Variants in CCDC152 observed in about 807,000 individuals in gnomAD.
CCDC152 encodes the protein coiled-coil domain-containing protein 152.
CCDC152 carries 37 observed loss-of-function variants against 38.1 expected under a neutral mutation model. That is an observed-to-expected ratio of 0.97 (90% confidence interval 0.75 to 1.28). CCDC152 has a LOEUF of 1.28. CCDC152 is among the 50% of genes most tolerant of loss of function. The pLI, the probability that CCDC152 is intolerant of heterozygous loss-of-function variation, is 0.00. For synonymous variants in CCDC152, 83 were observed against 87.1 expected, an observed-to-expected ratio of 0.95 and a Z score of 0.26; for missense variants, 259 against 292.1, an observed-to-expected ratio of 0.89 and a Z score of 0.83.
At chr5:42,785,761 G>T (rs1759912918) in intron 6 of CCDC152, among the ~76,000 whole-genome samples, 1 of 152,092 alleles carries the variant, frequency 6.6e-6, no homozygotes, top group African/African-American at 2.4e-5. Context: ...TTGGCTGTGA[G>T]TTTGTCATGT....
intron 3 of CCDC152, among the ~76,000 whole-genome samples, chr5:42,762,978 G>T (rs1759574916): frequency 6.6e-6 from 1 of 152,198 alleles, no homozygotes; most frequent in African/African-American, 2.4e-5. Context: ...ATCTGAGAGA[G>T]CCTAGAGGCA....
intron 3 of CCDC152, among the ~76,000 whole-genome samples, chr5:42,768,974 T>C (rs1209114627): frequency 2.0e-5 from 3 of 152,208 alleles, no homozygotes; most frequent in Non-Finnish European, 4.4e-5. Flanking sequence ...CTCACACCTA[T>C]AGTCCCAGCA....
In CCDC152 at chr5:42,801,186, T is replaced by C; in HGVS notation, c.*1405T>C. 1 of 1,614,186 alleles carries C rather than the reference T, an allele frequency of 6.2e-7. No homozygotes were observed. Among genetic ancestry groups the C allele is most frequent in the East Asian group, 2.2e-5 (1 of 44,882 alleles). On this transcript the variant is annotated 3_prime_UTR_variant, in exon 9 of 9. Transcript: ENST00000361970. ...AGGAGCATTTGGTGCTCCTGGTTGC[T>C]GATTCTCTGAAAGCTCACTGCTGCC...
intron 4 of CCDC152, among the ~76,000 whole-genome samples, chr5:42,774,909 T>C (rs1759751620): frequency 6.6e-6 from 1 of 151,928 alleles, no homozygotes; most frequent in African/African-American, 2.4e-5. Context: ...GAAGAATGCC[T>C]TTGTTGGACT....
intron 7 of CCDC152, among the ~76,000 whole-genome samples, chr5:42,798,033 T>A (rs1441277260): frequency 6.6e-6 from 1 of 152,032 alleles, no homozygotes; most frequent in Middle Eastern, 3.2e-3. Context: ...ATGCCTGTTA[T>A]CCAGCTACTC....
chr5:42,781,547 G>A (rs1216279923), intron 5 of CCDC152, among the ~76,000 whole-genome samples: 3 of 100,134 alleles, frequency 3.0e-5, no homozygotes, highest in South Asian at 2.6e-4. Context: ...AGAAAAATGC[G>A]CGCGCGCGCA....
intron 3 of CCDC152, among the ~76,000 whole-genome samples, chr5:42,768,633 T>G (rs1759656751): frequency 6.6e-6 from 1 of 152,342 alleles, no homozygotes; most frequent in East Asian, 1.9e-4. Flanking sequence ...CTTTTATTGC[T>G]AATCTCTTGG....
At chr5:42,770,716 A>T (rs1027730059) in intron 4 of CCDC152, among the ~76,000 whole-genome samples, 10 of 152,186 alleles carry the variant, frequency 6.6e-5, no homozygotes, top group Non-Finnish European at 1.2e-4. Flanking sequence ...AAATATGCAG[A>T]TCATTTTAGA....
intron 6 of CCDC152, among the ~76,000 whole-genome samples, chr5:42,794,363 C>T (rs1049745138): frequency 2.0e-5 from 3 of 152,198 alleles, no homozygotes; most frequent in African/African-American, 7.2e-5. Context: ...GCTTCAAGGA[C>T]ACCTGGCCTG....
chr5:42,771,535 A>C (rs1032637188), intron 4 of CCDC152, among the ~76,000 whole-genome samples: 3 of 151,142 alleles, frequency 2.0e-5, no homozygotes, highest in Non-Finnish European at 4.4e-5. Context: ...GGCTACACTG[A>C]AAAAAAAAGA....
chr5:42,765,410 AC>A lies in CCDC152; in HGVS notation c.193+2863del, dbSNP rs1198272961. 2.6e-5 allele frequency among the ~76,000 whole-genome samples: 4 copies of A among 152,186 alleles called. No homozygotes were observed. The East Asian group carries it at 7.7e-4, about 29-fold the overall frequency. On this transcript the variant is annotated intron_variant, in intron 3 of 8. Transcript: ENST00000361970. ...GACATTCTTCAAAGAAATAGAAAAAACAATCTGAAAATTTGTATTGAACCAC... is the reference window on the plus strand; with the variant it reads ...GACATTCTTCAAAGAAATAGAAAAAAAATCTGAAAATTTGTATTGAACCAC...
intron 6 of CCDC152, among the ~76,000 whole-genome samples, chr5:42,791,591 T>C (rs950559393): frequency 6.6e-6 from 1 of 152,222 alleles, no homozygotes; most frequent in Non-Finnish European, 1.5e-5. Context: ...ATATTCCTAC[T>C]AGCATGCCAA....
intron 6 of CCDC152, among the ~76,000 whole-genome samples, chr5:42,793,781 G>A (rs567442908): frequency 2.0e-5 from 3 of 152,100 alleles, no homozygotes; most frequent in Non-Finnish European, 4.4e-5. Context: ...GCTAATTTTT[G>A]TATTTTTAGT....
chr5:42,800,774 A>C lies in CCDC152; in HGVS notation c.*993A>C, dbSNP rs1157951014. The C allele has an allele frequency of 6.2e-7, 1 of 1,613,520 alleles. No individual in the cohort carries two copies. The highest frequency in any genetic ancestry group is 2.2e-5 in the East Asian group (1 of 44,862). The stretch of plus-strand genomic sequence containing the variant: ...CCTGATTCTTTCAGCGTCAACTGGC[A>C]CTGGCTTCTGTGGGTATAAGCTGCT... On this transcript the variant is annotated 3_prime_UTR_variant, in exon 9 of 9. Transcript: ENST00000361970.
chr5:42,757,713 C>A (rs185311884), intron 1 of CCDC152, among the ~76,000 whole-genome samples: 258 of 152,222 alleles, frequency 1.7e-3, no homozygotes, highest in South Asian at 8.5e-3. Flanking sequence ...TATCATGCAA[C>A]GATAGCAAAT....
intron 6 of CCDC152, among the ~76,000 whole-genome samples, chr5:42,787,061 C>T (rs1003479725): frequency 1.3e-5 from 2 of 151,908 alleles, no homozygotes; most frequent in African/African-American, 4.8e-5. Context: ...GTTTTATGAT[C>T]AGGCATATGG....
At chr5:42,769,103 G>A (rs947011410) in intron 3 of CCDC152, among the ~76,000 whole-genome samples, 6 of 152,120 alleles carry the variant, frequency 3.9e-5, no homozygotes, top group African/African-American at 1.4e-4. Flanking sequence ...ACAAAAACTA[G>A]CCAGACATGG....
intron 2 of CCDC152, among the ~76,000 whole-genome samples, chr5:42,761,701 A>G (rs1759556201): frequency 6.6e-6 from 1 of 152,244 alleles, no homozygotes; most frequent in African/African-American, 2.4e-5. Flanking sequence ...GGAACAGCCA[A>G]GGCACAGAAC....
chr5:42,782,840 A>G (rs917278952), intron 5 of CCDC152, among the ~76,000 whole-genome samples: 5 of 151,968 alleles, frequency 3.3e-5, no homozygotes, highest in African/African-American at 1.2e-4. Flanking sequence ...CATCATAAAT[A>G]TATATAATTT....
Sources: gnomAD v4.1 joint callset for allele counts (sites outside exome capture counted in the v4.1 genomes callset) on GRCh38, gnomAD v4.1.1 for gene constraint, MANE v1.5 for transcripts, NCBI Gene and HGNC (gene_info 2026-07-23, HGNC 2026-07-21) for gene names.